FERMT2: variants seen among roughly 807,000 people sequenced by gnomAD.
FERMT2 encodes FERM domain containing kindlin 2.
FERMT2 carries 15 observed loss-of-function variants against 82.7 expected under a neutral mutation model. The observed-to-expected ratio is 0.18, with a 90% CI of 0.12 to 0.28. The LOEUF is 0.28. Ranked by LOEUF, FERMT2 falls within the 10% of genes least tolerant of loss-of-function variation. FERMT2 has a pLI of 1.00. For synonymous variants in FERMT2, 274 were observed against 271.5 expected (o/e 1.01, Z -0.09); for missense variants, 645 against 809.4 (o/e 0.80, Z 2.46).
intron 6 of FERMT2, among the ~76,000 whole-genome samples, chr14:52,879,951 G>GA (rs964679124): frequency 6.6e-6 from 1 of 152,082 alleles, no homozygotes; most frequent in African/African-American, 2.4e-5. Context: ...TGTTACAGAG[G>GA]AAAAAAATGT....
At chr14:52,861,015 A>T in intron 12 of FERMT2, 2 of 1,526,182 alleles carry the variant, frequency 1.3e-6, no homozygotes, top group Non-Finnish European at 1.8e-6. Context: ...AGAACTTACC[A>T]AATCTCTTAT....
At chr14:52,870,688 G>T (rs1479935988) in intron 10 of FERMT2, among the ~76,000 whole-genome samples, 1 of 152,180 alleles carries the variant, frequency 6.6e-6, no homozygotes, top group Non-Finnish European at 1.5e-5. Context: ...TATAGCCTAG[G>T]TGTGCAGTCA....
chr14:52,918,288 A>T (rs1320605001), intron 3 of FERMT2, among the ~76,000 whole-genome samples: 1 of 152,254 alleles, frequency 6.6e-6, no homozygotes, highest in East Asian at 1.9e-4. Flanking sequence ...TTTATTAAAA[A>T]AAATCCGATA....
rs145448742 is a variant in FERMT2 at position 52,923,266 on chromosome 14, C to G, written c.158-3910G>C. 5.0e-3 allele frequency among the ~76,000 whole-genome samples: 753 copies of G among 151,882 alleles called. 9 individuals carry two copies. The highest frequency in any genetic ancestry group is 0.017 in the African/African-American group (723 of 41,388). On this transcript the variant is annotated intron_variant, in intron 2 of 14. Transcript: ENST00000341590. The stretch of plus-strand genomic sequence containing the variant: ...TTTATATAAAGTTCAAATTTCAATG[C>G]CCATAAACAGTTTTATGAAACACAG...
intron 10 of FERMT2, 60 bp downstream of exon 10, chr14:52,872,739 T>C (rs1020870001): frequency 7.0e-5 from 109 of 1,566,376 alleles, no homozygotes; most frequent in Non-Finnish European, 9.2e-5. Context: ...AAGTGGCTCA[T>C]TGACTATTAG....
rs79602877 is a variant in FERMT2 at position 52,885,424 on chromosome 14, C to G, written c.527-3955G>C. Among the ~76,000 whole-genome samples, 492 of 151,048 alleles carry G rather than the reference C, an allele frequency of 3.3e-3. 19 individuals carry two copies. The East Asian group carries it at 0.086, about 26-fold the overall frequency. ...CCCAATTCTAGCAGCACTGCTGGGT[C>G]AGAGGGTATGGGTATTTTAAATTCC... On this transcript the variant is annotated intron_variant, in intron 4 of 14. Coordinates refer to ENST00000341590, the MANE Select transcript of FERMT2 (RefSeq NM_006832.3).
At chr14:52,898,633 C>A (rs1887438124) in intron 3 of FERMT2, among the ~76,000 whole-genome samples, 1 of 152,106 alleles carries the variant, frequency 6.6e-6, no homozygotes, top group Non-Finnish European at 1.5e-5. Flanking sequence ...GCCAGTGGGG[C>A]CATACTGGGA....
intron 3 of FERMT2, among the ~76,000 whole-genome samples, chr14:52,910,479 G>GCCA (rs1396827212): frequency 1.3e-5 from 2 of 151,714 alleles, no homozygotes; most frequent in Non-Finnish European, 2.9e-5. Flanking sequence ...AAGCCTGTGT[G>GCCA]CCAGAATACG....
At chr14:52,933,940 T>A (rs1595015204) in intron 2 of FERMT2, among the ~76,000 whole-genome samples, 1 of 152,062 alleles carries the variant, frequency 6.6e-6, no homozygotes, top group Admixed American at 6.6e-5. Context: ...CCTTTCCCCC[T>A]TTATCAAACT....
intron 2 of FERMT2, among the ~76,000 whole-genome samples, chr14:52,924,780 GTAGA>G (rs1415931107): frequency 6.6e-6 from 1 of 152,154 alleles, no homozygotes; most frequent in East Asian, 1.9e-4. Flanking sequence ...ATAATAGCTG[GTAGA>G]TAGAAAGGAA....
intron 2 of FERMT2, among the ~76,000 whole-genome samples, chr14:52,926,735 A>G (rs141567406): frequency 4.7e-5 from 7 of 150,530 alleles, no homozygotes; most frequent in African/African-American, 1.7e-4. Flanking sequence ...AAAAAGCTGT[A>G]CTATTATGAA....
intron 4 of FERMT2, among the ~76,000 whole-genome samples, chr14:52,885,609 C>G (rs1281473762): frequency 6.6e-6 from 1 of 152,016 alleles, no homozygotes; most frequent in Non-Finnish European, 1.5e-5. Context: ...CTTAAAAACT[C>G]TAAGGGGGAG....
chr14:52,903,349 G>C (rs904653289), intron 3 of FERMT2, among the ~76,000 whole-genome samples: 1 of 151,954 alleles, frequency 6.6e-6, no homozygotes, highest in Admixed American at 6.6e-5. Flanking sequence ...ACCAGTCTAG[G>C]CAACATAGTG....
At chr14:52,906,639 C>A (rs865863583) in intron 3 of FERMT2, among the ~76,000 whole-genome samples, 2 of 151,486 alleles carry the variant, frequency 1.3e-5, no homozygotes, top group Non-Finnish European at 2.9e-5. Context: ...GAGGAAAACA[C>A]ACATAATAGA....
chr14:52,866,467 G>A (rs1885286090), intron 10 of FERMT2, among the ~76,000 whole-genome samples: 1 of 152,098 alleles, frequency 6.6e-6, no homozygotes, highest in South Asian at 2.1e-4. Flanking sequence ...AACTCCAACT[G>A]CCGAGACTCA....
chr14:52,889,736 T>C (rs1886822129), intron 4 of FERMT2, among the ~76,000 whole-genome samples: 1 of 152,222 alleles, frequency 6.6e-6, no homozygotes, highest in Admixed American at 6.5e-5. Context: ...GCTACAAACC[T>C]GTACAGCATG....
At chr14:52,950,858 C>G (rs747599824) in intron 1 of FERMT2, 63 bp downstream of exon 1, 3 of 268,528 alleles carry the variant, frequency 1.1e-5, no homozygotes, top group African/African-American at 6.7e-5. Context: ...ACAGCGCGGG[C>G]TGACTCCCCG....
chr14:52,885,988 GTATA>G (rs1424459707), intron 4 of FERMT2, among the ~76,000 whole-genome samples: 1 of 150,062 alleles, frequency 6.7e-6, no homozygotes, highest in Admixed American at 6.6e-5. Flanking sequence ...CAAAATGCCA[GTATA>G]TAAAGGGAAG....
chr14:52,914,480 C>G (rs1888509174), intron 3 of FERMT2, among the ~76,000 whole-genome samples: 1 of 152,144 alleles, frequency 6.6e-6, no homozygotes, highest in African/African-American at 2.4e-5. Flanking sequence ...AGGAACAACA[C>G]AACAACAGTC....
Sources: gnomAD v4.1 joint callset for allele counts (sites outside exome capture counted in the v4.1 genomes callset) on GRCh38, gnomAD v4.1.1 for gene constraint, MANE v1.5 for transcripts, NCBI Gene and HGNC (gene_info 2026-07-23, HGNC 2026-07-21) for gene names.